RSU1: variants seen among roughly 807,000 people sequenced by gnomAD.
RSU1 encodes the protein Ras suppressor protein 1, also known as rsu-1.
RSU1 carries 26 observed loss-of-function variants against 31.1 expected under a neutral mutation model. That is an observed-to-expected ratio of 0.84 (90% CI 0.61 to 1.16). The LOEUF (loss-of-function observed/expected upper bound fraction) is 1.16. RSU1 is among the 50% of genes most tolerant of loss of function. The pLI, the probability that RSU1 is intolerant of heterozygous loss-of-function variation, is 0.00. For synonymous variants in RSU1, 164 were observed against 136.3 expected (o/e 1.20, Z -1.41); for missense variants, 320 against 339.1 (o/e 0.94, Z 0.44).
intron 8 of RSU1, among the ~76,000 whole-genome samples, chr10:16,669,704 T>G (rs1052283968): frequency 6.6e-6 from 1 of 152,200 alleles, no homozygotes; most frequent in Admixed American, 6.5e-5. Flanking sequence ...CTGTGTTAGT[T>G]TGCTGAGGAT....
chr10:16,673,639 A>G (rs1164542852), intron 8 of RSU1, among the ~76,000 whole-genome samples: 1 of 152,182 alleles, frequency 6.6e-6, no homozygotes, highest in African/African-American at 2.4e-5. Flanking sequence ...CCCTGTGTTC[A>G]ACAGGTCAGG....
At position 16,812,464 on chromosome 10, in the gene RSU1, A is replaced by G. The variant is rs900712116; in HGVS notation, c.109+4509T>C. Among the ~76,000 whole-genome samples, 90 of 152,162 alleles carry G rather than the reference A, an allele frequency of 5.9e-4. 3 individuals carry two copies. The highest frequency in any genetic ancestry group is 2.6e-4 in the Admixed American group (4 of 15,270). ...CTCAAAAACAAAAAACAAAAATTAA[A>G]AAACAAAAAAATGATTTTAATAGAT... On this transcript the variant is annotated intron_variant, in intron 2 of 8. Coordinates refer to ENST00000345264, the MANE Select transcript of RSU1 (RefSeq NM_012425.4).
chr10:16,780,922 T>A (rs941485672), intron 3 of RSU1, among the ~76,000 whole-genome samples: 4 of 152,208 alleles, frequency 2.6e-5, no homozygotes, highest in Non-Finnish European at 5.9e-5. Flanking sequence ...GCCTTACAAA[T>A]ATACGCTTTG....
intron 8 of RSU1, among the ~76,000 whole-genome samples, chr10:16,641,333 A>T (rs1297626346): frequency 6.6e-5 from 10 of 152,188 alleles, no homozygotes; most frequent in Admixed American, 3.3e-4. Flanking sequence ...TCTACTAAAA[A>T]TACAAAAAAT....
At chr10:16,727,982 C>T (rs924561264) in intron 7 of RSU1, among the ~76,000 whole-genome samples, 1 of 152,196 alleles carries the variant, frequency 6.6e-6, no homozygotes, top group African/African-American at 2.4e-5. Flanking sequence ...TCATTCAACA[C>T]CCATCTGGCA....
At chr10:16,604,008 CT>C (rs1346089298) in intron 8 of RSU1, among the ~76,000 whole-genome samples, 3 of 152,080 alleles carry the variant, frequency 2.0e-5, no homozygotes, top group Non-Finnish European at 4.4e-5. Context: ...TCTAATGGAC[CT>C]CTTAAAATGT....
intron 2 of RSU1, among the ~76,000 whole-genome samples, chr10:16,799,949 C>T (rs190009348): frequency 7.9e-4 from 120 of 152,202 alleles, no homozygotes; most frequent in Middle Eastern, 3.4e-3. Flanking sequence ...TCCCTTTTCC[C>T]GATGCCTTCT....
chr10:16,613,248 C>T (rs962532153), intron 8 of RSU1, among the ~76,000 whole-genome samples: 6 of 152,136 alleles, frequency 3.9e-5, no homozygotes, highest in Admixed American at 1.3e-4. Flanking sequence ...TCATTTTGCA[C>T]GTTGTATATT....
rs1347683252 is a variant in RSU1, at chr10:16,645,917, T to TACAC, written c.731+49105_731+49106insGTGT. Among the ~76,000 whole-genome samples the TACAC allele has an allele frequency of 5.9e-5, 2 of 33,614 alleles. 1 individual carries two copies. Among genetic ancestry groups the TACAC allele is most frequent in the Non-Finnish European group, 1.3e-4 (2 of 15,874 alleles). 22.1% of individuals were successfully genotyped at this position (33,614 alleles called of 152,430 possible). ...ATGTATATACACATATATGTATATATATGTGTATATACACATATGTGTATA... is the reference window on the plus strand; with the variant it reads ...ATGTATATACACATATATGTATATATACACATGTGTATATACACATATGTGTATA... On this transcript the variant is annotated intron_variant, in intron 8 of 8. Coordinates refer to ENST00000345264, the MANE Select transcript of RSU1 (RefSeq NM_012425.4).
chr10:16,604,274 C>T (rs1414857621), intron 8 of RSU1, among the ~76,000 whole-genome samples: 2 of 152,160 alleles, frequency 1.3e-5, no homozygotes, highest in Non-Finnish European at 2.9e-5. Flanking sequence ...ATAACACCAG[C>T]CTTAACTCCC....
chr10:16,681,841 C>A (rs1835332769), intron 8 of RSU1, among the ~76,000 whole-genome samples: 1 of 152,102 alleles, frequency 6.6e-6, no homozygotes, highest in Admixed American at 6.5e-5. Flanking sequence ...TTAAAAAGTT[C>A]AAATTTATAA....
chr10:16,800,891 T>G (rs1261312881), intron 2 of RSU1, among the ~76,000 whole-genome samples: 2 of 151,854 alleles, frequency 1.3e-5, no homozygotes, highest in East Asian at 3.9e-4. Context: ...CGGAATATGT[T>G]GTGAGAAGAG....
At chr10:16,683,355 T>C (rs1438672810) in intron 8 of RSU1, among the ~76,000 whole-genome samples, 2 of 152,258 alleles carry the variant, frequency 1.3e-5, no homozygotes, top group East Asian at 1.9e-4. Flanking sequence ...ACAATAAATA[T>C]TTCATTCTAT....
chr10:16,610,024 T>C (rs895697297), intron 8 of RSU1, among the ~76,000 whole-genome samples: 1 of 152,240 alleles, frequency 6.6e-6, no homozygotes, highest in East Asian at 1.9e-4. Context: ...TTTAATATCA[T>C]ATTTTATTTA....
chr10:16,633,132 C>T (rs1169733981), intron 8 of RSU1, among the ~76,000 whole-genome samples: 1 of 152,088 alleles, frequency 6.6e-6, no homozygotes, highest in Non-Finnish European at 1.5e-5. Context: ...CTGTTACCCA[C>T]TGGATATCAA....
At chr10:16,812,467 AC>A (rs1477180318) in intron 2 of RSU1, among the ~76,000 whole-genome samples, 6 of 152,158 alleles carry the variant, frequency 3.9e-5, no homozygotes, top group Admixed American at 6.5e-5. Context: ...AAATTAAAAA[AC>A]AAAAAAATGA....
Position 16,758,846 on chromosome 10 carries a change from G to A in RSU1, c.282-3857C>T, listed in dbSNP as rs1468077160. Among the ~76,000 whole-genome samples, 3 of 152,350 alleles carry A rather than the reference G, an allele frequency of 2.0e-5. No homozygotes were observed. In the East Asian group the frequency reaches 5.8e-4, roughly 29 times the overall value. On this transcript the variant is annotated intron_variant, in intron 4 of 8. Transcript: ENST00000345264. ...GTGGTTTTCTATTTGTGCCACACTT[G>A]GTTAATCTCAGGTGACCTCAGGTGT... is the stretch of plus-strand genomic sequence containing the variant.
intron 4 of RSU1, among the ~76,000 whole-genome samples, chr10:16,758,658 G>A (rs1019300383): frequency 3.9e-5 from 6 of 152,158 alleles, no homozygotes; most frequent in Admixed American, 3.3e-4. Flanking sequence ...GAAAATATCC[G>A]AAGCACCCAA....
chr10:16,696,893 C>T (rs1401240931), intron 7 of RSU1, among the ~76,000 whole-genome samples: 1 of 152,238 alleles, frequency 6.6e-6, no homozygotes, highest in East Asian at 1.9e-4. Context: ...AAGAATGAAA[C>T]TGACCCCTTG....
Sources: allele counts gnomAD v4.1 joint callset (sites outside exome capture counted in the v4.1 genomes callset), GRCh38; gene constraint gnomAD v4.1.1; transcripts MANE v1.5; gene names NCBI Gene and HGNC (gene_info 2026-07-23, HGNC 2026-07-21).